Variants in CYP2C18 observed in about 807,000 individuals in gnomAD.
CYP2C18 encodes the protein cytochrome P450 family 2 subfamily C member 18, also known as cytochrome P450 2C18.
CYP2C18 carries 38 observed loss-of-function variants against 41.3 expected under a neutral mutation model. That is an observed-to-expected ratio of 0.92 (90% CI 0.71 to 1.21). The LOEUF is 1.21. Ranked by LOEUF, CYP2C18 falls within the 50% of genes most tolerant of loss-of-function variation. The pLI is 0.00. For missense variants in CYP2C18, 635 were observed against 591.4 expected, an observed-to-expected ratio of 1.07 and a Z score of -0.77; for synonymous variants, 236 against 210.0, an observed-to-expected ratio of 1.12 and a Z score of -1.07.
Position 94,720,437 on chromosome 10 carries a change from G to C in CYP2C18, c.861G>C (p.Leu287Phe), listed in dbSNP as rs1847627278. ...AGTCTGAATTTACTGTTGAAAGCTT[G>C]ATAGCCACTGTAACTGATATGTTTG... ...NQQSEFTVES[L>F]IATVTDMFGA... Residue 287 changes from leucine (L) to phenylalanine (F), a missense_variant, in exon 6 of 9, where the codon TTG becomes TTC. Coordinates refer to ENST00000285979, the MANE Select transcript of CYP2C18 (RefSeq NM_000772.3). 1 of 1,612,778 alleles carries C rather than the reference G, an allele frequency of 6.2e-7. No individual in the cohort carries two copies. Among genetic ancestry groups the C allele is most frequent in the South Asian group, 1.1e-5 (1 of 90,986 alleles).
chr10:94,735,527 G>C lies in CYP2C18; in HGVS notation c.*83G>C, dbSNP rs1042192. Reference sequence around the variant, plus strand: ...GGCCATTGGCCTCTCCCTTCTCTCTGTGAGGGATATTTTCTCTGACTTGTC... The same window carrying C: ...GGCCATTGGCCTCTCCCTTCTCTCTCTGAGGGATATTTTCTCTGACTTGTC... On this transcript the variant is annotated 3_prime_UTR_variant, in exon 9 of 9. Coordinates refer to ENST00000285979, the MANE Select transcript of CYP2C18 (RefSeq NM_000772.3). The C allele has an allele frequency of 3.4e-3, 4,588 of 1,340,544 alleles. 210 individuals carry two copies. The East Asian group carries it at 0.089, about 26-fold the overall frequency. The allele number at this position is 1,340,544 out of a possible 1,614,324, so 83.0% of individuals were successfully genotyped here. A position where few individuals can be genotyped will look rare whatever the true frequency, so the allele number is the denominator to read the frequency against.
chr10:94,711,823 AC>A (rs1847440349), intron 5 of CYP2C18, among the ~76,000 whole-genome samples: 1 of 151,442 alleles, frequency 6.6e-6, no homozygotes, highest in African/African-American at 2.4e-5. Context: ...CAATATGAAC[AC>A]TTTTTTTTTT....
At chr10:94,722,818 A>G (rs1249320470) in intron 6 of CYP2C18, among the ~76,000 whole-genome samples, 1 of 152,042 alleles carries the variant, frequency 6.6e-6, no homozygotes, top group Non-Finnish European at 1.5e-5. Flanking sequence ...GTCCACTTGA[A>G]TTCTAAGGCC....
intron 4 of CYP2C18, among the ~76,000 whole-genome samples, chr10:94,697,481 C>A (rs1008711136): frequency 2.6e-5 from 4 of 152,140 alleles, no homozygotes; most frequent in African/African-American, 9.7e-5. Context: ...CTGAAGGAAG[C>A]ACTAAACATG....
intron 7 of CYP2C18, among the ~76,000 whole-genome samples, chr10:94,731,709 G>A (rs1369681855): frequency 2.0e-5 from 3 of 152,062 alleles, no homozygotes; most frequent in Admixed American, 6.6e-5. Context: ...CAAAAAACAG[G>A]CAATGGGAAA....
chr10:94,722,159 T>A (rs1000398501), intron 6 of CYP2C18, among the ~76,000 whole-genome samples: 4 of 152,260 alleles, frequency 2.6e-5, no homozygotes, highest in Non-Finnish European at 4.4e-5. Context: ...GGAAGTATTT[T>A]AAACACTTAG....
chr10:94,706,935 A>G lies in CYP2C18; in HGVS notation c.794A>G (p.Asp265Gly). 1.9e-6 allele frequency: 3 copies of G among 1,608,384 alleles called. No individual in the cohort carries two copies. Among genetic ancestry groups the G allele is most frequent in the Non-Finnish European group, 2.5e-6 (3 of 1,178,402 alleles). ...ATGAACAGTGCTCGGGACTTTATTG[A>G]TTGTTTCCTGATCAAAATGGAACAG... Reference protein sequence around the residue: ...LDMNSARDFIDCFLIKMEQEK... With the variant: ...LDMNSARDFIGCFLIKMEQEK... Residue 265 changes from aspartate (D) to glycine (G), a missense_variant, in exon 5 of 9, where the codon GAT (aspartate) becomes GGT (glycine). Asp to Gly is a moderately conservative substitution (Grantham distance 94). Coordinates refer to ENST00000285979, the MANE Select transcript of CYP2C18 (RefSeq NM_000772.3).
chr10:94,700,918 G>A (rs1005733819), intron 4 of CYP2C18, among the ~76,000 whole-genome samples: 11 of 152,308 alleles, frequency 7.2e-5, no homozygotes, highest in East Asian at 3.9e-4. Context: ...ACCACAATGA[G>A]ATACCATCTC....
chr10:94,713,748 A>G (rs902491180), intron 5 of CYP2C18, among the ~76,000 whole-genome samples: 9 of 152,186 alleles, frequency 5.9e-5, no homozygotes, highest in African/African-American at 1.9e-4. Flanking sequence ...TCCTTGAGGA[A>G]TTGCCACACT....
intron 5 of CYP2C18, among the ~76,000 whole-genome samples, chr10:94,708,528 T>A (rs1280153404): frequency 6.6e-6 from 1 of 152,214 alleles, no homozygotes; most frequent in African/African-American, 2.4e-5. Context: ...AGTGCATTGT[T>A]CCTTTGACCT....
chr10:94,731,362 A>T (rs1305541271), intron 7 of CYP2C18, among the ~76,000 whole-genome samples: 1 of 151,810 alleles, frequency 6.6e-6, no homozygotes, highest in Admixed American at 6.6e-5. Flanking sequence ...GCTGGGTGAC[A>T]GAGTGAGACT....
rs748266389 is a variant in CYP2C18, at chr10:94,688,285, T to A, written c.481+11T>A. On this transcript the variant is annotated intron_variant, in intron 3 of 8. Coordinates refer to ENST00000285979, the MANE Select transcript of CYP2C18 (RefSeq NM_000772.3). The stretch of plus-strand genomic sequence containing the variant: ...TGAGAAAAACCAATGGTGGGTGACT[T>A]TTTTTTTTCCTGAAAAATGTTTTCT... 46 of 1,578,428 alleles carry A rather than the reference T, an allele frequency of 2.9e-5. No individual in the cohort carries two copies. The highest frequency in any genetic ancestry group is 3.8e-5 in the Non-Finnish European group (44 of 1,168,810).
chr10:94,691,710 T>C (rs1182755881), intron 3 of CYP2C18, among the ~76,000 whole-genome samples: 1 of 152,132 alleles, frequency 6.6e-6, no homozygotes, highest in Non-Finnish European at 1.5e-5. Context: ...GAGCCCGCAT[T>C]GCCAAGTCAA....
At chr10:94,696,661 T>G (rs947768045) in intron 4 of CYP2C18, among the ~76,000 whole-genome samples, 1 of 151,900 alleles carries the variant, frequency 6.6e-6, no homozygotes, top group African/African-American at 2.4e-5. Flanking sequence ...AGAAGAAGAC[T>G]TCAGACGATC....
At chr10:94,695,643 G>C (rs1054410619) in intron 4 of CYP2C18, among the ~76,000 whole-genome samples, 1 of 152,138 alleles carries the variant, frequency 6.6e-6, no homozygotes, top group Non-Finnish European at 1.5e-5. Context: ...GTACAGGACA[G>C]TGGGTGCAGC....
intron 4 of CYP2C18, among the ~76,000 whole-genome samples, chr10:94,705,755 C>T (rs1011339399): frequency 6.6e-6 from 1 of 152,020 alleles, no homozygotes; most frequent in Non-Finnish European, 1.5e-5. Flanking sequence ...TACAGCTTGC[C>T]CATATCTTAG....
At chr10:94,684,091 T>C (rs189854381) in intron 1 of CYP2C18, 104 bp downstream of exon 1, 142 of 769,442 alleles carry the variant, frequency 1.8e-4, no homozygotes, top group Admixed American at 1.7e-3. Flanking sequence ...ATTGTATATA[T>C]TAATGGGGTA....
rs1314299002 is a variant in CYP2C18, at chr10:94,706,794, A to T, written c.653A>T (p.Asn218Ile). ...LSSPWIQVCN[N>I]FPALIDYLPG... ...TTAAAAATCTTTAAGGTCTGCAATAATTTCCCTGCTCTCATCGATTATCTC... is the reference window on the plus strand; with the variant it reads ...TTAAAAATCTTTAAGGTCTGCAATATTTTCCCTGCTCTCATCGATTATCTC... Residue 218 changes from asparagine to isoleucine, a missense_variant, in exon 5 of 9, where the codon AAT becomes ATT. Coordinates refer to ENST00000285979, the MANE Select transcript of CYP2C18 (RefSeq NM_000772.3). 2.5e-6 allele frequency: 4 copies of T among 1,570,374 alleles called. No individual in the cohort carries two copies. The highest frequency in any genetic ancestry group is 2.6e-6 in the Non-Finnish European group (3 of 1,155,636).
intron 5 of CYP2C18, among the ~76,000 whole-genome samples, chr10:94,716,951 CT>C (rs531289725): frequency 3.9e-4 from 60 of 152,198 alleles, no homozygotes; most frequent in African/African-American, 1.4e-3. Context: ...TTGTTTGTGT[CT>C]TTCGATCTTT....
Sources: gnomAD v4.1 joint callset for allele counts (sites outside exome capture counted in the v4.1 genomes callset) on GRCh38, gnomAD v4.1.1 for gene constraint, MANE v1.5 for transcripts, NCBI Gene and HGNC (gene_info 2026-07-23, HGNC 2026-07-21) for gene names.